ANKRD45: variants seen among roughly 807,000 people sequenced by gnomAD.
ANKRD45 encodes the protein ankyrin repeat domain 45, also known as ankyrin repeat domain-containing protein 45.
In ANKRD45, 21 loss-of-function variants were observed where a neutral mutation model predicts 28.1. The observed-to-expected ratio is 0.75, with a 90% confidence interval of 0.53 to 1.08. ANKRD45 has a LOEUF of 1.08. Among genes scored for constraint, ANKRD45 ranks in the 50% least tolerant of loss-of-function variants. ANKRD45 has a pLI of 0.00. For synonymous variants in ANKRD45, 86 were observed against 103.9 expected (o/e 0.83, Z 1.05); for missense variants, 261 against 308.7 (o/e 0.85, Z 1.16).
At chr1:173,629,812 G>A (rs961000603) in intron 3 of ANKRD45, among the ~76,000 whole-genome samples, 1 of 152,036 alleles carries the variant, frequency 6.6e-6, no homozygotes, top group Non-Finnish European at 1.5e-5. Flanking sequence ...TCAAGTACTA[G>A]AAGATTATAG....
chr1:173,644,617 T>A (rs1419739943), intron 3 of ANKRD45, among the ~76,000 whole-genome samples: 2 of 152,170 alleles, frequency 1.3e-5, no homozygotes, highest in South Asian at 2.1e-4. Context: ...CCCCAAAAAA[T>A]TTTTCAGAAA....
chr1:173,624,556 T>C (rs1667844067), intron 5 of ANKRD45, among the ~76,000 whole-genome samples: 2 of 151,972 alleles, frequency 1.3e-5, no homozygotes, highest in South Asian at 4.1e-4. Context: ...CTGATGATGG[T>C]AATATTAAGA....
intron 5 of ANKRD45, among the ~76,000 whole-genome samples, chr1:173,617,857 A>G (rs1667530840): frequency 6.6e-6 from 1 of 152,100 alleles, no homozygotes; most frequent in Admixed American, 6.5e-5. Context: ...GTCTTCAGAT[A>G]CCTCCTACAG....
At position 173,662,076 on chromosome 1, in the gene ANKRD45, CT is replaced by C. The variant is rs1305401920; in HGVS notation, c.-15-2644del. The stretch of plus-strand genomic sequence containing the variant: ...TTTTAGGCTTGTGGACCCTCTGTCT[CT>C]ATTCTAACGACTCAACTCTGCAGTT... On this transcript the variant is annotated intron_variant, in intron 1 of 5. Transcript: ENST00000333279. 1.4e-4 allele frequency among the ~76,000 whole-genome samples: 22 copies of C among 152,258 alleles called. 1 individual carries two copies. The highest frequency in any genetic ancestry group is 5.1e-4 in the African/African-American group (21 of 41,550).
intron 3 of ANKRD45, chr1:173,635,386 C>A (rs1668382384): frequency 1.4e-6 from 1 of 701,538 alleles, no homozygotes; most frequent in South Asian, 2.1e-5. Flanking sequence ...ATTGAAGCAC[C>A]ATTTTAACTA....
At chr1:173,675,205 AG>A in the ANKRD45 span, 12 of 212,522 alleles carry the variant, frequency 5.6e-5, no homozygotes, top group Admixed American at 1.8e-4. Flanking sequence ...TTCAGTTCGC[AG>A]GGCTTTAAAA....
chr1:173,613,052 A>G (rs1667248162), intron 5 of ANKRD45, among the ~76,000 whole-genome samples: 1 of 131,114 alleles, frequency 7.6e-6, no homozygotes, highest in South Asian at 2.5e-4. Context: ...CTGGCCGCCC[A>G]TCATCTGGGA....
At chr1:173,702,369 T>C in the ANKRD45 span, among the ~76,000 whole-genome samples, 2 of 152,260 alleles carry the variant, frequency 1.3e-5, no homozygotes, top group East Asian at 3.9e-4. Flanking sequence ...GACTGAGATA[T>C]AAAAATAGAT....
At chr1:173,700,095 C>G in the ANKRD45 span, among the ~76,000 whole-genome samples, 1 of 152,104 alleles carries the variant, frequency 6.6e-6, no homozygotes, top group Non-Finnish European at 1.5e-5. Flanking sequence ...AATAAAATGC[C>G]TAGGAATCTA....
the ANKRD45 span, among the ~76,000 whole-genome samples, chr1:173,674,864 T>A: frequency 1.3e-5 from 2 of 152,182 alleles, no homozygotes; most frequent in Non-Finnish European, 2.9e-5. Flanking sequence ...CCCCACTTTT[T>A]AAAAATTTTT....
At chr1:173,671,641 C>A (rs572165328), upstream of ANKRD45, among the ~76,000 whole-genome samples, 4 of 151,154 alleles carry the variant, frequency 2.6e-5, no homozygotes, top group Admixed American at 2.0e-4. Context: ...GAGGCCAAGG[C>A]GGGCGGATCA....
At chr1:173,614,554 G>T (rs2102311454) in intron 5 of ANKRD45, among the ~76,000 whole-genome samples, 1 of 151,942 alleles carries the variant, frequency 6.6e-6, no homozygotes, top group East Asian at 1.9e-4. Context: ...TAACATATTG[G>T]ACAGCCACTT....
chr1:173,632,367 G>A (rs1391352993), intron 3 of ANKRD45, among the ~76,000 whole-genome samples: 11 of 151,812 alleles, frequency 7.2e-5, no homozygotes. Flanking sequence ...GCAAAGAAAA[G>A]CCCAGGACCC....
intron 3 of ANKRD45, among the ~76,000 whole-genome samples, chr1:173,635,108 T>C (rs1240798098): frequency 6.6e-6 from 1 of 152,070 alleles, no homozygotes; most frequent in African/African-American, 2.4e-5. Context: ...ATTTATTAGC[T>C]AGCAAAATAT....
chr1:173,704,428 T>G, the ANKRD45 span, among the ~76,000 whole-genome samples: 6 of 152,236 alleles, frequency 3.9e-5, no homozygotes, highest in African/African-American at 1.4e-4. Context: ...GAGGAGGCCC[T>G]TTGGCTTTCA....
At chr1:173,708,655 A>G in the ANKRD45 span, among the ~76,000 whole-genome samples, 8 of 152,246 alleles carry the variant, frequency 5.3e-5, no homozygotes, top group Non-Finnish European at 1.0e-4. Context: ...TATCTTTATG[A>G]AATTGAGTCA....
intron 3 of ANKRD45, among the ~76,000 whole-genome samples, chr1:173,636,217 T>C (rs909099023): frequency 6.6e-6 from 1 of 152,166 alleles, no homozygotes; most frequent in Non-Finnish European, 1.5e-5. Flanking sequence ...AGAGATCTCT[T>C]AGAACCCTTT....
At chr1:173,673,143 T>C (rs1424087490), upstream of ANKRD45, among the ~76,000 whole-genome samples, 1 of 151,054 alleles carries the variant, frequency 6.6e-6, no homozygotes, top group Admixed American at 6.6e-5. Context: ...TGGAGTCTTC[T>C]TCTGTCACCC....
chr1:173,702,057 T>C, the ANKRD45 span, among the ~76,000 whole-genome samples: 1 of 152,012 alleles, frequency 6.6e-6, no homozygotes, highest in Non-Finnish European at 1.5e-5. Flanking sequence ...AACACGTAAG[T>C]GTTTGAAATA....
Sources: allele counts gnomAD v4.1 joint callset (sites outside exome capture counted in the v4.1 genomes callset), GRCh38; gene constraint gnomAD v4.1.1; transcripts MANE v1.5; gene names NCBI Gene and HGNC (gene_info 2026-07-23, HGNC 2026-07-21).